The following TGM2 variants were observed in gnomAD, a reference collection of about 807,000 sequenced individuals.
TGM2 encodes the protein transglutaminase 2.
Under a neutral mutation model 75.6 loss-of-function variants are expected in TGM2, and 53 were observed. That is an observed-to-expected ratio of 0.70 (90% CI 0.56 to 0.88). TGM2 has a LOEUF of 0.88. TGM2 is among the 40% of genes least tolerant of loss of function. TGM2 has a pLI of 0.00. For missense variants in TGM2, 842 were observed against 928.5 expected (o/e 0.91, Z 1.21); for synonymous variants, 374 against 381.1 (o/e 0.98, Z 0.22).
intron 10 of TGM2, among the ~76,000 whole-genome samples, chr20:38,136,642 T>G (rs1227011018): frequency 3.3e-5 from 5 of 152,114 alleles, no homozygotes; most frequent in Non-Finnish European, 1.5e-5. Context: ...CCACTGCCCC[T>G]CAGAGGATGG....
At chr20:38,130,720 C>T (rs2074817745) in intron 12 of TGM2, among the ~76,000 whole-genome samples, 1 of 152,150 alleles carries the variant, frequency 6.6e-6, no homozygotes, top group Non-Finnish European at 1.5e-5. Context: ...AGTGTGTGCT[C>T]GTATGTATGT....
intron 1 of TGM2, among the ~76,000 whole-genome samples, chr20:38,163,194 C>T (rs137939287): frequency 2.1e-3 from 323 of 152,232 alleles, no homozygotes; most frequent in Non-Finnish European, 3.6e-3. Context: ...TCTCATAAAC[C>T]TTGGCAAGCT....
intron 6 of TGM2, among the ~76,000 whole-genome samples, chr20:38,143,444 G>A (rs1222977615): frequency 6.6e-6 from 1 of 152,216 alleles, no homozygotes; most frequent in Admixed American, 6.5e-5. Context: ...GACTTGTCCG[G>A]AGGGAGGGCC....
intron 1 of TGM2, among the ~76,000 whole-genome samples, chr20:38,164,591 C>T (rs995593536): frequency 6.6e-6 from 1 of 152,078 alleles, no homozygotes; most frequent in African/African-American, 2.4e-5. Context: ...TCTCATAAAC[C>T]TTGTCCTATA....
In TGM2 at chr20:38,128,579, T is replaced by C. The variant is rs1472088270; in HGVS notation, c.*1640A>G. 6.6e-6 allele frequency: 1 copy of C among 152,238 alleles called. No homozygotes were observed. Among genetic ancestry groups the C allele is most frequent in the Non-Finnish European group, 1.5e-5 (1 of 68,050 alleles). 9.4% of individuals were successfully genotyped at this position (152,238 alleles called of 1,614,324 possible). A position where few individuals can be genotyped will look rare whatever the true frequency, so the allele number is the denominator to read the frequency against. ...AAAACCGTAGAGAAATAGAGCTCTA[T>C]GTATAGAGAAAATATACATGTTGAT... On this transcript the variant is annotated 3_prime_UTR_variant, in exon 13 of 13. Coordinates refer to ENST00000361475, the MANE Select transcript of TGM2 (RefSeq NM_004613.4).
upstream of TGM2, among the ~76,000 whole-genome samples, chr20:38,166,103 G>A (rs2075307798): frequency 1.3e-5 from 2 of 152,138 alleles, no homozygotes; most frequent in Non-Finnish European, 2.9e-5. Flanking sequence ...CATGGACTCA[G>A]GTACAGACAT....
intron 2 of TGM2, among the ~76,000 whole-genome samples, chr20:38,158,575 AC>A (rs1162225618): frequency 6.6e-6 from 1 of 151,782 alleles, no homozygotes; most frequent in Non-Finnish European, 1.5e-5. Flanking sequence ...TGACTGCCAC[AC>A]CCCCTCAAAC....
rs2074979717 is a variant in TGM2, at chr20:38,141,920, C to T, written c.995+144G>A. 2.1e-5 allele frequency: 20 copies of T among 972,566 alleles called. No homozygotes were observed. The South Asian group carries it at 2.9e-4, about 14-fold the overall frequency. 60.2% of individuals were successfully genotyped at this position (972,566 alleles called of 1,614,324 possible). On this transcript the variant is annotated intron_variant, in intron 7 of 12. Transcript: ENST00000361475. ...ATCATGTATGTGGTTGACTTTCCCT[C>T]TAGGCCTTCCCCAAGCCTGCTCAAA...
At chr20:38,149,982 A>G (rs2075097922) in intron 4 of TGM2, among the ~76,000 whole-genome samples, 1 of 152,176 alleles carries the variant, frequency 6.6e-6, no homozygotes. Flanking sequence ...CTAGAGGGTC[A>G]TTGAACATTG....
chr20:38,155,240 C>T (rs574504875), intron 3 of TGM2, among the ~76,000 whole-genome samples: 11 of 152,332 alleles, frequency 7.2e-5, no homozygotes, highest in South Asian at 6.2e-4. Flanking sequence ...ACCAAGTCAC[C>T]GCTAAGCCCC....
rs143549454 is a variant in TGM2 at position 38,132,450 on chromosome 20, T to A, written c.1666A>T (p.Thr556Ser). The change falls in exon 11 of 13, where the codon ACG becomes TCG. Residue 556 changes from threonine to serine, a missense_variant. By Grantham distance (58) the Thr-to-Ser change is moderately conservative (BLOSUM62 1). Coordinates refer to ENST00000361475, the MANE Select transcript of TGM2 (RefSeq NM_004613.4). ...CGCACCTTGATGAGGTTGGACTCCG[T>A]AAGGCAGTCACGGTATTTCTCATAG... ...ILYEKYRDCL[T>S]ESNLIKVRAL... 6.2e-7 allele frequency: 1 copy of A among 1,614,000 alleles called. No homozygotes were observed. The highest frequency in any genetic ancestry group is 8.5e-7 in the Non-Finnish European group (1 of 1,180,020).
rs1454442874 is a variant in TGM2 at position 38,147,849 on chromosome 20, AC to A, written c.681+111del. 3 of 1,466,020 alleles carry A rather than the reference AC, an allele frequency of 2.0e-6. No individual in the cohort carries two copies. In the African/African-American group the frequency reaches 4.2e-5, roughly 21 times the overall value. The allele number at this position is 1,466,020 out of a possible 1,614,324, so 90.8% of individuals were successfully genotyped here. Reference sequence around the variant, plus strand: ...ATATAAGGTCTTTTCCCCAAGACTTACCCATCTCCCGGGTCCCCCACCGCGC... The same window carrying A: ...ATATAAGGTCTTTTCCCCAAGACTTACCATCTCCCGGGTCCCCCACCGCGC... On this transcript the variant is annotated intron_variant, in intron 5 of 12. Coordinates refer to ENST00000361475, the MANE Select transcript of TGM2 (RefSeq NM_004613.4).
At chr20:38,164,816 G>A (rs1203727660) in intron 1 of TGM2, among the ~76,000 whole-genome samples, 1 of 152,150 alleles carries the variant, frequency 6.6e-6, no homozygotes, top group Non-Finnish European at 1.5e-5. Context: ...GGTCCTGGCT[G>A]GCAAGAACCA....
At chr20:38,141,923 G>T in intron 7 of TGM2, 141 bp downstream of exon 7, 1 of 990,456 alleles carries the variant, frequency 1.0e-6, no homozygotes, top group Non-Finnish European at 1.5e-6. Context: ...TTTCCCTCTA[G>T]GCCTTCCCCA....
upstream of TGM2, among the ~76,000 whole-genome samples, chr20:38,167,387 C>T (rs185633825): frequency 1.2e-4 from 19 of 152,280 alleles, no homozygotes; most frequent in Admixed American, 7.2e-4. Flanking sequence ...TCACCCAGAT[C>T]GTGTAGTGGT....
chr20:38,154,655 C>T (rs888444092), intron 3 of TGM2, among the ~76,000 whole-genome samples: 2 of 152,150 alleles, frequency 1.3e-5, no homozygotes, highest in African/African-American at 4.8e-5. Context: ...AGTGTCATCT[C>T]CCCCTTGGGA....
chr20:38,135,142 G>A (rs951267354), intron 10 of TGM2, among the ~76,000 whole-genome samples: 1 of 152,214 alleles, frequency 6.6e-6, no homozygotes, highest in Non-Finnish European at 1.5e-5. Context: ...TCAGGGTCCC[G>A]ATGGTGACTT....
At chr20:38,142,945 C>G (rs900568285) in intron 6 of TGM2, among the ~76,000 whole-genome samples, 3 of 152,232 alleles carry the variant, frequency 2.0e-5, no homozygotes, top group African/African-American at 4.8e-5. Flanking sequence ...AGGCTGCCTG[C>G]CAGGTTCAGG....
intron 9 of TGM2, 24 bp downstream of exon 9, chr20:38,139,388 A>G (rs45453795): frequency 8.7e-6 from 14 of 1,614,022 alleles, no homozygotes; most frequent in Non-Finnish European, 1.1e-5. Flanking sequence ...TCAAGGCTGC[A>G]TTAAAGACTC....
Sources: gnomAD v4.1 joint callset for allele counts (sites outside exome capture counted in the v4.1 genomes callset) on GRCh38, gnomAD v4.1.1 for gene constraint, MANE v1.5 for transcripts, NCBI Gene and HGNC (gene_info 2026-07-23, HGNC 2026-07-21) for gene names.